Variants in KNTC1 observed in about 807,000 individuals in gnomAD.
The protein encoded by KNTC1 is kinetochore associated 1.
In KNTC1, 253 loss-of-function variants were observed where a neutral mutation model predicts 314.4. The observed-to-expected ratio is 0.80, with a 90% CI of 0.73 to 0.89. KNTC1 has a LOEUF of 0.89. Among genes scored for constraint, KNTC1 ranks in the 40% least tolerant of loss-of-function variants. The pLI, the probability that KNTC1 is intolerant of heterozygous loss-of-function variation, is 0.00. For synonymous variants in KNTC1, 901 were observed against 901.4 expected, an observed-to-expected ratio of 1.00 and a Z score of 0.01; for missense variants, 2,475 against 2,572.9, an observed-to-expected ratio of 0.96 and a Z score of 0.82.
chr12:122,544,353 T>C (rs1962606054), intron 8 of KNTC1, 84 bp downstream of exon 8: 1 of 703,252 alleles, frequency 1.4e-6, no homozygotes, highest in Non-Finnish European at 2.5e-6. Context: ...AATTGCAAAA[T>C]AATTTGTAAC....
intron 18 of KNTC1, among the ~76,000 whole-genome samples, chr12:122,559,368 C>T (rs1024776017): frequency 2.6e-5 from 4 of 151,980 alleles, no homozygotes; most frequent in East Asian, 1.9e-4. Context: ...AAAAAATCTT[C>T]AGGGTTCATC....
chr12:122,603,251 CTCT>C lies in KNTC1; in HGVS notation c.5101+13_5101+15del, dbSNP rs1872181161. On this transcript the variant is annotated intron_variant, in intron 48 of 63. Coordinates refer to ENST00000333479, the MANE Select transcript of KNTC1 (RefSeq NM_014708.6). ...CCCAGGATATCCCTGAAGGTATGAG[CTCT>C]TCTTTTAAAATTGTAGTTAAAAAAA... is the stretch of plus-strand genomic sequence containing the variant. 1.3e-6 allele frequency: 2 copies of C among 1,528,490 alleles called. No individual in the cohort carries two copies. The highest frequency in any genetic ancestry group is 1.8e-6 in the Non-Finnish European group (2 of 1,133,910). The allele number at this position is 1,528,490 out of a possible 1,614,324, so 94.7% of individuals were successfully genotyped here. A position where few individuals can be genotyped will look rare whatever the true frequency, so the allele number is the denominator to read the frequency against.
At position 122,534,676 on chromosome 12, in the gene KNTC1, C is replaced by T; in HGVS notation, c.142C>T (p.Pro48Ser). The T allele has an allele frequency of 2.5e-6, 4 of 1,608,354 alleles. No individual in the cohort carries two copies. ...TTCTCTCCCACAGGCCTCATTAAAT[C>T]CAAAGATACAGGCATGCAGCTTAAG... is the stretch of plus-strand genomic sequence containing the variant. ...KISSEKASLN[P>S]KIQACSLSDG... Residue 48 changes from proline (P) to serine (S), a missense_variant, in exon 3 of 64, where the codon CCA (proline) becomes TCA (serine). Pro to Ser is a moderately conservative substitution (Grantham distance 74, BLOSUM62 -1). Transcript: ENST00000333479.
intron 5 of KNTC1, among the ~76,000 whole-genome samples, chr12:122,540,701 G>A (rs1243003165): frequency 2.0e-5 from 3 of 151,940 alleles, no homozygotes; most frequent in African/African-American, 4.8e-5. Context: ...ACTTCAACAA[G>A]TGTTAACTGG....
rs1335717127 is a variant in KNTC1 at position 122,568,325 on chromosome 12, A to G, written c.1669A>G (p.Lys557Glu). ...TCTTAAAGATATTTTTTTACAGCTA[A>G]AAGAAGGAAACCTTGTTTGTGCACA... ...DDLKDIFLQLKEGNLVCAQYL... is the reference protein window; with the variant it reads ...DDLKDIFLQLEEGNLVCAQYL... The change falls in exon 21 of 64, where the codon AAA (lysine) becomes GAA (glutamate). Residue 557 changes from lysine to glutamate, a missense_variant. Coordinates refer to ENST00000333479, the MANE Select transcript of KNTC1 (RefSeq NM_014708.6). 6.2e-7 allele frequency: 1 copy of G among 1,603,014 alleles called. No individual in the cohort carries two copies. The highest frequency in any genetic ancestry group is 1.7e-5 in the Admixed American group (1 of 59,600).
intron 12 of KNTC1, among the ~76,000 whole-genome samples, chr12:122,548,173 A>T (rs544981544): frequency 1.3e-5 from 2 of 152,284 alleles, no homozygotes; most frequent in African/African-American, 4.8e-5. Context: ...CACTTCAGGA[A>T]CCAAAAATGC....
intron 48 of KNTC1, 35 bp downstream of exon 48, chr12:122,603,278 A>C (rs1327441563): frequency 7.2e-7 from 1 of 1,380,120 alleles, no homozygotes; most frequent in Non-Finnish European, 9.9e-7. Context: ...TAGTTAAAAA[A>C]AAAAAAAAAG....
intron 60 of KNTC1, 48 bp downstream of exon 60, chr12:122,620,656 C>T (rs774126844): frequency 6.3e-7 from 1 of 1,595,406 alleles, no homozygotes; most frequent in Non-Finnish European, 8.6e-7. Flanking sequence ...TAGAAGGTTT[C>T]ATCTTGCATG....
At chr12:122,595,118 C>G (rs754511829) in intron 43 of KNTC1, among the ~76,000 whole-genome samples, 1 of 152,226 alleles carries the variant, frequency 6.6e-6, no homozygotes, top group Non-Finnish European at 1.5e-5. Flanking sequence ...TCAAGTGATT[C>G]ACCCGCCTCG....
intron 18 of KNTC1, among the ~76,000 whole-genome samples, chr12:122,560,076 T>C (rs973949614): frequency 6.6e-6 from 1 of 152,206 alleles, no homozygotes; most frequent in Non-Finnish European, 1.5e-5. Context: ...AAGTACCTTA[T>C]ATTAAATGGA....
Position 122,562,669 on chromosome 12 carries a change from T to C in KNTC1, c.1574T>C (p.Phe525Ser), listed in dbSNP as rs1162973058. ...VLRAHAKLTT[F>S]YGAFGPEKFS... ...AGAGCTCATGCAAAATTGACTACTTTTTATGGAGCATTTGGACCAGAAAAA... is the reference window on the plus strand; with the variant it reads ...AGAGCTCATGCAAAATTGACTACTTCTTATGGAGCATTTGGACCAGAAAAA... Residue 525 changes from phenylalanine (F) to serine (S), a missense_variant, in exon 20 of 64, where the codon TTT becomes TCT. Physicochemically the swap from Phe to Ser is radical, Grantham distance 155 (BLOSUM62 -2). Transcript: ENST00000333479. 6.2e-7 allele frequency: 1 copy of C among 1,610,646 alleles called. No individual in the cohort carries two copies. Among genetic ancestry groups the C allele is most frequent in the Non-Finnish European group, 8.5e-7 (1 of 1,177,258 alleles).
At chr12:122,599,481 A>G (rs542264464) in intron 44 of KNTC1, among the ~76,000 whole-genome samples, 2 of 151,680 alleles carry the variant, frequency 1.3e-5, no homozygotes, top group South Asian at 2.1e-4. Context: ...CCTTCCAACT[A>G]GCTGGGATTA....
At chr12:122,598,422 T>TTTTC (rs1491405464) in intron 44 of KNTC1, among the ~76,000 whole-genome samples, 19 of 9,364 alleles carry the variant, frequency 2.0e-3, no homozygotes, top group African/African-American at 0.015. Context: ...TTTTCTTTTC[T>TTTTC]TTTTTTTTTT....
At position 122,544,176 on chromosome 12, in the gene KNTC1, G is replaced by A. The variant is rs778864196; in HGVS notation, c.576G>A (p.Lys192=). 1.9e-6 allele frequency: 3 copies of A among 1,549,678 alleles called. No individual in the cohort carries two copies. Among genetic ancestry groups the A allele is most frequent in the South Asian group, 1.2e-5 (1 of 82,364 alleles). ...STAKKLQGQI[K]SSFISTENYH... is the part of the protein sequence containing the mutation. ...TTTTGCAGTTACAAGGACAAATCAA[G>A]TCCAGTTTTATTTCTACTGAAAATT... The change falls in exon 8 of 64, where the codon AAG becomes AAA. Residue 192 remains lysine (K), a synonymous_variant. Coordinates refer to ENST00000333479, the MANE Select transcript of KNTC1 (RefSeq NM_014708.6).
In KNTC1 at chr12:122,529,067, C is replaced by T. The variant is rs537820584; in HGVS notation, c.-73-924C>T. ...TCATGTTGGCCAGGCTGGTCTCAAACTCCTGACCTCAGATAATCCACCTGC... is the reference window on the plus strand; with the variant it reads ...TCATGTTGGCCAGGCTGGTCTCAAATTCCTGACCTCAGATAATCCACCTGC... On this transcript the variant is annotated intron_variant, in intron 1 of 63. Coordinates refer to ENST00000333479, the MANE Select transcript of KNTC1 (RefSeq NM_014708.6). Among the ~76,000 whole-genome samples the T allele has an allele frequency of 1.1e-3, 171 of 152,262 alleles. 1 individual carries two copies. The highest frequency in any genetic ancestry group is 3.6e-3 in the Admixed American group (55 of 15,292).
chr12:122,565,091 C>T (rs887203731), intron 20 of KNTC1, among the ~76,000 whole-genome samples: 2 of 151,916 alleles, frequency 1.3e-5, no homozygotes, highest in African/African-American at 4.8e-5. Flanking sequence ...TGTTTTTTTG[C>T]TAATCTGATG....
At position 122,568,350 on chromosome 12, in the gene KNTC1, A is replaced by G. The variant is rs1593564604; in HGVS notation, c.1694A>G (p.Gln565Arg). 1 of 1,595,470 alleles carries G rather than the reference A, an allele frequency of 6.3e-7. No individual in the cohort carries two copies. Residue 565 changes from glutamine to arginine, a missense_variant, in exon 21 of 64, where the codon CAG becomes CGG. Gln to Arg is a conservative substitution (Grantham distance 43, BLOSUM62 1). Transcript: ENST00000333479. ...AAAGAAGGAAACCTTGTTTGTGCAC[A>G]GTATCTTTGGCTTCGACATCGGGTA... is the stretch of plus-strand genomic sequence containing the variant. Reference protein sequence around the residue: ...QLKEGNLVCAQYLWLRHRANF... With the variant: ...QLKEGNLVCARYLWLRHRANF...
chr12:122,567,345 C>T (rs952074959), intron 20 of KNTC1, among the ~76,000 whole-genome samples: 2 of 151,836 alleles, frequency 1.3e-5, no homozygotes, highest in Non-Finnish European at 2.9e-5. Context: ...GCTGGGATTA[C>T]AGGCGTGAGC....
chr12:122,607,760 T>A (rs1872703824), intron 51 of KNTC1, among the ~76,000 whole-genome samples: 1 of 152,196 alleles, frequency 6.6e-6, no homozygotes. Context: ...CCTGATTTAT[T>A]GATGTTTTTG....
Sources: gnomAD v4.1 joint callset for allele counts (sites outside exome capture counted in the v4.1 genomes callset) on GRCh38, gnomAD v4.1.1 for gene constraint, MANE v1.5 for transcripts, NCBI Gene and HGNC (gene_info 2026-07-23, HGNC 2026-07-21) for gene names.